TRRAP: variants seen among roughly 807,000 people sequenced by gnomAD.
TRRAP encodes the protein transformation/transcription domain-associated protein.
A neutral mutation model predicts 438.8 loss-of-function variants in TRRAP; 41 were observed. The ratio of observed to expected loss-of-function variants is 0.09; its 90% CI spans 0.07 to 0.12. The LOEUF (loss-of-function observed/expected upper bound fraction) is 0.12, where lower values mean the gene tolerates loss of function less well. Ranked by LOEUF, TRRAP falls within the 10% of genes least tolerant of loss-of-function variation. The pLI is 1.00. For synonymous variants in TRRAP, 1,994 were observed against 1,962.9 expected (o/e 1.02, Z -0.42); for missense variants, 3,122 against 5,055.1 (o/e 0.62, Z 11.60).
At chr7:98,987,090 A>G (rs1295840432) in intron 62 of TRRAP, among the ~76,000 whole-genome samples, 1 of 152,172 alleles carries the variant, frequency 6.6e-6, no homozygotes, top group East Asian at 1.9e-4. Flanking sequence ...TTTGAGACCA[A>G]CCTGGACAAT....
rs755892936 is a variant in TRRAP at position 98,976,524 on chromosome 7, T to C, written c.8001T>C (p.Ser2667=). The part of the protein sequence containing the change: ...GEISPFLCSG[S]HQVQRDCQPS... ...TAAGTCCATTTCTGTGCAGCGGCAG[T>C]CACCAGGTGCAGCGGGACTGCCAGC... Residue 2667 remains serine, a synonymous_variant, in exon 55 of 73, where the codon AGT becomes AGC. Coordinates refer to ENST00000456197, the MANE Select transcript of TRRAP (RefSeq NM_001375524.1). This position sits in a 1 kb window ranked among gnomAD's most constrained non-coding sequence, Gnocchi z 4.6. 6.2e-7 allele frequency: 1 copy of C among 1,613,242 alleles called. No individual in the cohort carries two copies. The highest frequency in any genetic ancestry group is 8.5e-7 in the Non-Finnish European group (1 of 1,180,024).
chr7:98,901,557 A>C (rs1554406673), intron 11 of TRRAP, among the ~76,000 whole-genome samples: 1 of 152,124 alleles, frequency 6.6e-6, no homozygotes, highest in African/African-American at 2.4e-5. Context: ...TTATTTACTT[A>C]CTATTTTTTG....
chr7:98,907,473 C>G (rs1289507936), intron 13 of TRRAP, among the ~76,000 whole-genome samples: 1 of 152,080 alleles, frequency 6.6e-6, no homozygotes, highest in Non-Finnish European at 1.5e-5. Flanking sequence ...GTTTAGGTTC[C>G]TTTGAATATG....
At chr7:98,945,489 T>C (rs1486121348) in intron 31 of TRRAP, among the ~76,000 whole-genome samples, 1 of 152,244 alleles carries the variant, frequency 6.6e-6, no homozygotes, top group Non-Finnish European at 1.5e-5. Context: ...ACAAGAATCC[T>C]GAAACCCTAT....
chr7:98,930,662 C>G lies in TRRAP; in HGVS notation c.3423C>G (p.Ile1141Met). The G allele has an allele frequency of 6.2e-7, 1 of 1,614,004 alleles. No homozygotes were observed. Among genetic ancestry groups the G allele is most frequent in the Non-Finnish European group, 8.5e-7 (1 of 1,180,036 alleles). Reference sequence around the variant, plus strand: ...GCCAGCTGCCCCTGTTTTCTTACATCGTGGAGCGCCTGTGTGCATGTTGTT... The same window carrying G: ...GCCAGCTGCCCCTGTTTTCTTACATGGTGGAGCGCCTGTGTGCATGTTGTT... ...RACQLPLFSY[I>M]VERLCACCYE... The change falls in exon 25 of 73, where the codon ATC becomes ATG. Residue 1141 changes from isoleucine (I) to methionine (M), a missense_variant. Ile to Met is a conservative substitution (Grantham distance 10, BLOSUM62 1). Coordinates refer to ENST00000456197, the MANE Select transcript of TRRAP (RefSeq NM_001375524.1).
chr7:98,984,403 G>A lies in TRRAP; in HGVS notation c.9288+45G>A, dbSNP rs760885366. Reference sequence around the variant, plus strand: ...AGAATGAGGCCAGGTGGAGATTGAGGCCAGGTGGAGAATGAGGCAATGTGG... The same window carrying A: ...AGAATGAGGCCAGGTGGAGATTGAGACCAGGTGGAGAATGAGGCAATGTGG... On this transcript the variant is annotated intron_variant, in intron 61 of 72. Coordinates refer to ENST00000456197, the MANE Select transcript of TRRAP (RefSeq NM_001375524.1). 17 of 1,486,308 alleles carry A rather than the reference G, an allele frequency of 1.1e-5. No homozygotes were observed. In the African/African-American group the frequency reaches 2.3e-4, roughly 20 times the overall value. The allele number at this position is 1,486,308 out of a possible 1,614,324, so 92.1% of individuals were successfully genotyped here.
chr7:99,004,091 C>T lies in TRRAP; in HGVS notation c.10310-99C>T, dbSNP rs972411566. 8 of 1,167,896 alleles carry T rather than the reference C, an allele frequency of 6.8e-6. No homozygotes were observed. In the African/African-American group the frequency reaches 9.3e-5, roughly 14 times the overall value. 72.3% of individuals were successfully genotyped at this position (1,167,896 alleles called of 1,614,324 possible). A position where few individuals can be genotyped will look rare whatever the true frequency, so the allele number is the denominator to read the frequency against. On this transcript the variant is annotated intron_variant, in intron 67 of 72. Transcript: ENST00000456197. ...TTCATCTCAAAACAAACAAACAAAACATGTAATTCGTAGCTGGTAGGGGCT... is the reference window on the plus strand; with the variant it reads ...TTCATCTCAAAACAAACAAACAAAATATGTAATTCGTAGCTGGTAGGGGCT...
intron 53 of TRRAP, 119 bp downstream of exon 53, chr7:98,972,064 A>T: frequency 2.2e-6 from 3 of 1,362,898 alleles, no homozygotes; most frequent in South Asian, 1.6e-5. Flanking sequence ...TCTTTTTGAG[A>T]TGGGATGTTG....
chr7:98,883,019 T>C (rs1795529960), intron 3 of TRRAP, among the ~76,000 whole-genome samples: 1 of 152,240 alleles, frequency 6.6e-6, no homozygotes, highest in Non-Finnish European at 1.5e-5. Context: ...TGGTGTATTC[T>C]TATGCAATGA....
chr7:98,991,703 G>A (rs1435141965), intron 64 of TRRAP, among the ~76,000 whole-genome samples: 1 of 152,228 alleles, frequency 6.6e-6, no homozygotes, highest in Non-Finnish European at 1.5e-5. Context: ...CCTCCCAGCT[G>A]CAGTTAGGCA....
rs782433522 is a variant in TRRAP, at chr7:98,937,834, A to G, written c.4404+14A>G. The G allele has an allele frequency of 5.6e-6, 9 of 1,600,018 alleles. No homozygotes were observed. In the East Asian group the frequency reaches 2.0e-4, roughly 36 times the overall value. ...GATCAGATGATGGTAAGCCAAATGC[A>G]TTTAAACGCTCTGTAACAAACTTTC... is the stretch of plus-strand genomic sequence containing the variant. On this transcript the variant is annotated intron_variant, in intron 30 of 72. Coordinates refer to ENST00000456197, the MANE Select transcript of TRRAP (RefSeq NM_001375524.1).
At chr7:98,983,544 G>C in intron 60 of TRRAP, 85 bp downstream of exon 60, 2 of 1,487,852 alleles carry the variant, frequency 1.3e-6, no homozygotes, top group Non-Finnish European at 1.8e-6. Flanking sequence ...GTTTTGGTTT[G>C]GTTTGGTTTG....
intron 18 of TRRAP, among the ~76,000 whole-genome samples, chr7:98,915,115 T>C (rs1789462929): frequency 6.6e-6 from 1 of 152,168 alleles, no homozygotes; most frequent in South Asian, 2.1e-4. Context: ...CAAAACGCTA[T>C]AGTCTTCAAT....
chr7:98,962,747 G>A (rs1264459387), intron 47 of TRRAP, among the ~76,000 whole-genome samples: 1 of 152,204 alleles, frequency 6.6e-6, no homozygotes, highest in African/African-American at 2.4e-5. Context: ...GACAATGTGT[G>A]GACTCTGCCT....
chr7:98,943,987 A>T (rs942501290), intron 31 of TRRAP, among the ~76,000 whole-genome samples: 2 of 152,186 alleles, frequency 1.3e-5, no homozygotes, highest in African/African-American at 4.8e-5. Context: ...CTTGTTTCCT[A>T]CTGCTTCTAA....
At chr7:98,920,985 A>G (rs1205957990) in intron 20 of TRRAP, among the ~76,000 whole-genome samples, 1 of 152,104 alleles carries the variant, frequency 6.6e-6, no homozygotes, top group African/African-American at 2.4e-5. Context: ...GATTACAGGC[A>G]TGTGCCACCA....
chr7:98,994,454 C>A lies in TRRAP; in HGVS notation c.10048-133C>A. ...CTTGCACACGCCGATTTCATGCCTG[C>A]TGTGTGTGGGTCCTGCCGGGGAGTG... On this transcript the variant is annotated intron_variant, in intron 66 of 72. Transcript: ENST00000456197. This position sits in a 1 kb window ranked among gnomAD's most constrained non-coding sequence, Gnocchi z 4.8. The A allele has an allele frequency of 1.5e-6, 2 of 1,297,244 alleles. No homozygotes were observed. Among genetic ancestry groups the A allele is most frequent in the Non-Finnish European group, 2.1e-6 (2 of 933,202 alleles). The allele number at this position is 1,297,244 out of a possible 1,614,324, so 80.4% of individuals were successfully genotyped here.
In TRRAP at chr7:98,897,782, A is replaced by G; in HGVS notation, c.549A>G (p.Thr183=). The G allele has an allele frequency of 1.2e-6, 2 of 1,614,026 alleles. No individual in the cohort carries two copies. The highest frequency in any genetic ancestry group is 1.7e-6 in the Non-Finnish European group (2 of 1,180,002). ...FENPQVIPEN[T]VPPPEMVGMI... ...ACCCTCAAGTGATCCCCGAGAACAC[A>G]GTGCCTCCCCCAGAAATGGTTGGTA... Residue 183 remains threonine, a synonymous_variant, in exon 8 of 73, where the codon ACA becomes ACG. Coordinates refer to ENST00000456197, the MANE Select transcript of TRRAP (RefSeq NM_001375524.1).
At chr7:98,999,511 A>T in intron 67 of TRRAP, 1 of 737,046 alleles carries the variant, frequency 1.4e-6, no homozygotes, top group Admixed American at 2.0e-5. Flanking sequence ...GGGAGAGACA[A>T]TATTGGGGTG....
Sources: allele counts gnomAD v4.1 joint callset (sites outside exome capture counted in the v4.1 genomes callset), GRCh38; gene constraint gnomAD v4.1.1; non-coding constraint Gnocchi (gnomAD v3.1); transcripts MANE v1.5; gene names NCBI Gene and HGNC (gene_info 2026-07-23, HGNC 2026-07-21).